Variants in DENND5A observed in about 807,000 individuals in gnomAD.
DENND5A encodes DENN domain-containing protein 5A.
DENND5A carries 64 observed loss-of-function variants against 140.3 expected under a neutral mutation model. That is an observed-to-expected ratio of 0.46 (90% CI 0.37 to 0.56). The LOEUF is 0.56. Ranked by LOEUF, DENND5A falls within the 20% of genes least tolerant of loss-of-function variation. DENND5A has a pLI of 0.00. For missense variants in DENND5A, 1,292 were observed against 1,593.8 expected, an observed-to-expected ratio of 0.81 and a Z score of 3.22; for synonymous variants, 605 against 607.7, an observed-to-expected ratio of 1.00 and a Z score of 0.07.
chr11:9,145,699 G>C lies in DENND5A; in HGVS notation c.2974C>G (p.Pro992Ala), dbSNP rs997783506. ...ELGETQIMQI[P>A]RNVLEMTFEC... is the part of the protein sequence containing the mutation. ...AAGGTCATCTCTAGCACATTCCTGG[G>C]AATCTGCATGATCTGTGTCTCACCC... Residue 992 changes from proline (P) to alanine (A), a missense_variant, in exon 17 of 23, where the codon CCC (proline) becomes GCC (alanine). Around this residue, in one of 4 missense-constraint regions of DENND5A, gnomAD observed 498 missense variants for 689.7 expected, o/e 0.72. Coordinates refer to ENST00000328194, the MANE Select transcript of DENND5A (RefSeq NM_015213.4). The C allele has an allele frequency of 6.2e-7, 1 of 1,614,182 alleles. No individual in the cohort carries two copies. The highest frequency in any genetic ancestry group is 1.3e-5 in the African/African-American group (1 of 75,040).
chr11:9,234,178 CA>C (rs11295091), intron 1 of DENND5A, among the ~76,000 whole-genome samples: 39,494 of 125,920 alleles, frequency 0.31, 5,892 homozygotes, highest in South Asian at 0.53. Context: ...AACTCCGTCT[CA>C]AAAAAAAAAA....
At chr11:9,160,964 TGG>T in intron 11 of DENND5A, 99 bp from the exon 12 acceptor site, 3 of 1,225,216 alleles carry the variant, frequency 2.4e-6, no homozygotes, top group Non-Finnish European at 3.5e-6. Flanking sequence ...TCTGTTGGGC[TGG>T]GAAGGACAGG....
chr11:9,180,102 C>T (rs866585737), intron 6 of DENND5A, among the ~76,000 whole-genome samples: 22 of 152,088 alleles, frequency 1.4e-4, no homozygotes, highest in African/African-American at 5.1e-4. Context: ...GTTTCTTTGG[C>T]TATAAAACCT....
chr11:9,238,759 T>A (rs1851109398), intron 1 of DENND5A, among the ~76,000 whole-genome samples: 1 of 151,800 alleles, frequency 6.6e-6, no homozygotes. Flanking sequence ...GGCATCAACA[T>A]GCTTATAAAG....
chr11:9,174,414 T>A (rs1313412621), intron 8 of DENND5A, among the ~76,000 whole-genome samples: 2 of 150,558 alleles, frequency 1.3e-5, no homozygotes, highest in Non-Finnish European at 3.0e-5. Context: ...GACAAAGATA[T>A]GCCCTGTTAG....
intron 1 of DENND5A, among the ~76,000 whole-genome samples, chr11:9,238,526 C>T (rs1310023612): frequency 6.6e-6 from 1 of 151,204 alleles, no homozygotes; most frequent in Non-Finnish European, 1.5e-5. Context: ...ACGCCATTCT[C>T]CTGCATCAGC....
intron 1 of DENND5A, among the ~76,000 whole-genome samples, chr11:9,231,009 C>A (rs1035492368): frequency 3.2e-4 from 48 of 151,986 alleles, no homozygotes; most frequent in African/African-American, 8.0e-4. Flanking sequence ...ACAAAAAAAA[C>A]CCAAAAAACT....
intron 1 of DENND5A, among the ~76,000 whole-genome samples, chr11:9,220,109 G>A (rs1173933040): frequency 1.3e-5 from 2 of 152,106 alleles, no homozygotes; most frequent in Non-Finnish European, 2.9e-5. Context: ...AAAAAACAAG[G>A]TGGTATATAA....
chr11:9,196,756 G>A (rs546718791), intron 4 of DENND5A, among the ~76,000 whole-genome samples: 1 of 151,972 alleles, frequency 6.6e-6, no homozygotes, highest in African/African-American at 2.4e-5. Flanking sequence ...GATTACAAGT[G>A]TGTACCACCA....
chr11:9,193,382 C>T (rs543392134), intron 5 of DENND5A, 112 bp downstream of exon 5: 10 of 840,982 alleles, frequency 1.2e-5, no homozygotes, highest in Admixed American at 1.1e-4. Flanking sequence ...TTCATAATCA[C>T]CAAAATAGAA....
intron 11 of DENND5A, among the ~76,000 whole-genome samples, chr11:9,161,271 C>A (rs1424049012): frequency 2.0e-5 from 3 of 152,116 alleles, no homozygotes; most frequent in Non-Finnish European, 4.4e-5. Flanking sequence ...TGGCGTCAAC[C>A]AAGGAAGCGT....
chr11:9,150,085 T>C lies in DENND5A; in HGVS notation c.2731A>G (p.Thr911Ala). The C allele has an allele frequency of 6.2e-7, 1 of 1,611,528 alleles. No individual in the cohort carries two copies. The part of the protein sequence containing the change: ...LKQLLSDHEL[T>A]KKLYKRYAFL... ...CTCCTGGCGGAGCAGCCTTACTTGG[T>C]GAGCTCATGGTCTGAGAGGAGCTGC... The change falls in exon 15 of 23, where the codon ACC becomes GCC. Residue 911 changes from threonine (T) to alanine (A), a missense_variant. Thr to Ala is a moderately conservative substitution (Grantham distance 58). This residue lies in a region of DENND5A where 498 missense variants were observed against 689.7 expected (regional missense o/e 0.72). Transcript: ENST00000328194.
At chr11:9,153,344 C>CGAA (rs1847694362) in intron 12 of DENND5A, among the ~76,000 whole-genome samples, 1 of 27,028 alleles carries the variant, frequency 3.7e-5, no homozygotes, top group South Asian at 2.0e-3. Flanking sequence ...GGCTCCCTCT[C>CGAA]AAAAAAAAAA....
intron 12 of DENND5A, among the ~76,000 whole-genome samples, chr11:9,159,321 CTT>C (rs59379591): frequency 1.8e-4 from 25 of 136,750 alleles, no homozygotes; most frequent in Admixed American, 2.2e-4. Context: ...ACTTTTTTTT[CTT>C]TTTTTTTTTT....
rs74052985 is a variant in DENND5A, at chr11:9,184,762, T to G, written c.1138-3678A>C. ...GCCTGTTCATATCTTATGCCATGTT[T>G]CTATTGGATTGCTTATCACCTTCTT... On this transcript the variant is annotated intron_variant, in intron 5 of 22. Transcript: ENST00000328194. 4.8e-3 allele frequency among the ~76,000 whole-genome samples: 732 copies of G among 152,364 alleles called. 8 individuals carry two copies. Among genetic ancestry groups the G allele is most frequent in the African/African-American group, 0.017 (695 of 41,588 alleles).
At chr11:9,192,722 G>A (rs999528070) in intron 5 of DENND5A, among the ~76,000 whole-genome samples, 1 of 151,998 alleles carries the variant, frequency 6.6e-6, no homozygotes, top group African/African-American at 2.4e-5. Flanking sequence ...ACCAGTGTAT[G>A]TATACTCCAA....
intron 3 of DENND5A, among the ~76,000 whole-genome samples, chr11:9,205,604 A>G (rs1379704834): frequency 6.6e-6 from 1 of 152,216 alleles, no homozygotes; most frequent in African/African-American, 2.4e-5. Context: ...TTAAAAATGT[A>G]ATAGAAGGCC....
intron 5 of DENND5A, among the ~76,000 whole-genome samples, chr11:9,190,374 G>A (rs1179089446): frequency 6.6e-6 from 1 of 152,170 alleles, no homozygotes; most frequent in East Asian, 1.9e-4. Context: ...TGTGTTGTGT[G>A]AGGTACCCAG....
chr11:9,258,799 CAGA>C (rs763216853), intron 1 of DENND5A, among the ~76,000 whole-genome samples: 18 of 152,094 alleles, frequency 1.2e-4, no homozygotes, highest in African/African-American at 1.7e-4. Context: ...TCTGTAAAAT[CAGA>C]AGGTTATATA....
Sources: allele counts gnomAD v4.1 joint callset (sites outside exome capture counted in the v4.1 genomes callset), GRCh38; gene constraint gnomAD v4.1.1; regional missense constraint gnomAD v4.1.1; transcripts MANE v1.5; gene names NCBI Gene and HGNC (gene_info 2026-07-23, HGNC 2026-07-21).